ADCYAP1R1: variants seen among roughly 807,000 people sequenced by gnomAD.
The protein encoded by ADCYAP1R1 is ADCYAP receptor type I.
In ADCYAP1R1, 44 loss-of-function variants were observed where a neutral mutation model predicts 67.6. The observed-to-expected ratio is 0.65, with a 90% confidence interval of 0.51 to 0.84. The LOEUF is 0.84. ADCYAP1R1 is among the 40% of genes least tolerant of loss of function. The pLI is 0.00. For synonymous variants in ADCYAP1R1, 222 were observed against 219.6 expected (o/e 1.01, Z -0.10); for missense variants, 477 against 587.9 (o/e 0.81, Z 1.95).
At chr7:31,094,674 C>A (rs1796115165) in intron 13 of ADCYAP1R1, among the ~76,000 whole-genome samples, 1 of 152,042 alleles carries the variant, frequency 6.6e-6, no homozygotes, top group Admixed American at 6.6e-5. Context: ...GCAGCAAGAA[C>A]CCCCAGGGCC....
At chr7:31,063,338 C>G in intron 2 of ADCYAP1R1, 23 bp downstream of exon 2, 1 of 1,614,062 alleles carries the variant, frequency 6.2e-7, no homozygotes. Flanking sequence ...GAACATCTCT[C>G]TGGGAGCCCC....
At chr7:31,084,956 C>T in intron 8 of ADCYAP1R1, 122 bp downstream of exon 8, 1 of 960,922 alleles carries the variant, frequency 1.0e-6, no homozygotes, top group Non-Finnish European at 1.6e-6. Flanking sequence ...GGCATTTCTC[C>T]CACCCCAAGG....
chr7:31,063,376 A>C, intron 2 of ADCYAP1R1, 61 bp downstream of exon 2: 5 of 1,595,888 alleles, frequency 3.1e-6, no homozygotes, highest in Non-Finnish European at 4.3e-6. Flanking sequence ...CGCTCCAGAG[A>C]ACTCATGTTT....
chr7:31,055,083 C>T (rs1188722843), intron 1 of ADCYAP1R1, among the ~76,000 whole-genome samples: 3 of 152,140 alleles, frequency 2.0e-5, no homozygotes, highest in Non-Finnish European at 4.4e-5. Context: ...ATGGTGACAG[C>T]CACCCCCACA....
chr7:31,095,624 A>G, intron 13 of ADCYAP1R1: 2 of 717,304 alleles, frequency 2.8e-6, no homozygotes, highest in Middle Eastern at 4.6e-4. Context: ...GCCCCTTCAG[A>G]TCTGCCCACA....
At chr7:31,064,537 C>G (rs1694285182) in intron 2 of ADCYAP1R1, among the ~76,000 whole-genome samples, 1 of 152,168 alleles carries the variant, frequency 6.6e-6, no homozygotes, top group South Asian at 2.1e-4. Context: ...AATGCATGCA[C>G]AGAGTGAAGT....
intron 1 of ADCYAP1R1, among the ~76,000 whole-genome samples, chr7:31,059,030 A>G (rs1245071931): frequency 1.3e-5 from 2 of 152,144 alleles, no homozygotes; most frequent in African/African-American, 2.4e-5. Flanking sequence ...TAAGTATTTA[A>G]TAAATGTTAG....
chr7:31,099,246 A>G (rs57344179), intron 13 of ADCYAP1R1, among the ~76,000 whole-genome samples: 1,924 of 152,318 alleles, frequency 0.013, 37 homozygotes, highest in East Asian at 0.083. Context: ...TGCTCCTCTC[A>G]GTCTTCAGCC....
At chr7:31,075,084 C>T (rs930975978) in intron 3 of ADCYAP1R1, among the ~76,000 whole-genome samples, 1 of 152,122 alleles carries the variant, frequency 6.6e-6, no homozygotes, top group Admixed American at 6.5e-5. Context: ...CCAGGCCCCT[C>T]CTCTTCCCAG....
intron 9 of ADCYAP1R1, 89 bp downstream of exon 9, chr7:31,085,531 A>G: frequency 6.9e-7 from 1 of 1,441,184 alleles, no homozygotes; most frequent in African/African-American, 1.4e-5. Context: ...TACCTGCCTG[A>G]CACCCTGCAG....
At chr7:31,093,338 GGCAGCC>G (rs1434399883) in intron 13 of ADCYAP1R1, among the ~76,000 whole-genome samples, 1 of 151,836 alleles carries the variant, frequency 6.6e-6, no homozygotes, top group Non-Finnish European at 1.5e-5. Flanking sequence ...TGGGTTACAG[GGCAGCC>G]TCTTACCATA....
chr7:31,094,698 G>A (rs1796116719), intron 13 of ADCYAP1R1, among the ~76,000 whole-genome samples: 1 of 152,134 alleles, frequency 6.6e-6, no homozygotes, highest in African/African-American at 2.4e-5. Context: ...TGGGAAAGAA[G>A]TGCCCGCCAA....
At chr7:31,055,925 T>C (rs741052) in intron 1 of ADCYAP1R1, among the ~76,000 whole-genome samples, 82,849 of 152,004 alleles carry the variant, frequency 0.55, 25,057 homozygotes, top group African/African-American at 0.82. Flanking sequence ...TCCCTGTGAT[T>C]GATTCCCCCA....
At chr7:31,098,094 G>C (rs1473323721) in intron 13 of ADCYAP1R1, among the ~76,000 whole-genome samples, 1 of 152,048 alleles carries the variant, frequency 6.6e-6, no homozygotes, top group Admixed American at 6.5e-5. Context: ...TAGAGACAGG[G>C]TCTCACCATG....
At chr7:31,071,148 G>A (rs933984393) in intron 3 of ADCYAP1R1, among the ~76,000 whole-genome samples, 42 of 152,354 alleles carry the variant, frequency 2.8e-4, no homozygotes, top group Non-Finnish European at 5.0e-4. Flanking sequence ...GCTCTATGGA[G>A]TTTTGAACAC....
In ADCYAP1R1 at chr7:31,092,748, G is replaced by A; in HGVS notation, c.1046+13G>A. On this transcript the variant is annotated intron_variant, in intron 13 of 15. Coordinates refer to ENST00000304166, the MANE Select transcript of ADCYAP1R1 (RefSeq NM_001118.5). Reference sequence around the variant, plus strand: ...CCAGCATCTACTTGTAAGTACCATTGTGTGGCTGCCACAGCCATTTCTGAC... The same window carrying A: ...CCAGCATCTACTTGTAAGTACCATTATGTGGCTGCCACAGCCATTTCTGAC... The A allele has an allele frequency of 6.3e-7, 1 of 1,595,380 alleles. No homozygotes were observed. Among genetic ancestry groups the A allele is most frequent in the South Asian group, 1.1e-5 (1 of 89,240 alleles).
chr7:31,084,373 C>T, intron 7 of ADCYAP1R1, 123 bp downstream of exon 7: 1 of 737,130 alleles, frequency 1.4e-6, no homozygotes, highest in Non-Finnish European at 2.3e-6. Flanking sequence ...GCCTACTCCT[C>T]CCCACCTGCA....
At chr7:31,098,753 C>G (rs930543217) in intron 13 of ADCYAP1R1, among the ~76,000 whole-genome samples, 5 of 141,524 alleles carry the variant, frequency 3.5e-5, no homozygotes, top group Admixed American at 7.7e-5. Flanking sequence ...ATGTGTGACA[C>G]AAATTCTGGC....
intron 1 of ADCYAP1R1, among the ~76,000 whole-genome samples, chr7:31,060,697 T>G (rs1010368053): frequency 6.6e-6 from 1 of 152,108 alleles, no homozygotes; most frequent in African/African-American, 2.4e-5. Flanking sequence ...TGTGTTTGTG[T>G]GTGTGAGAGA....
Sources: allele counts gnomAD v4.1 joint callset (sites outside exome capture counted in the v4.1 genomes callset), GRCh38; gene constraint gnomAD v4.1.1; transcripts MANE v1.5; gene names NCBI Gene and HGNC (gene_info 2026-07-23, HGNC 2026-07-21).